Variants in ZNF846 observed in about 807,000 individuals in gnomAD.
ZNF846 encodes the protein zinc finger protein 846, also known as zinc finger protein 420 pseudogene.
In ZNF846, 15 loss-of-function variants were observed where a neutral mutation model predicts 16.0. The ratio of observed to expected loss-of-function variants is 0.94; its 90% CI spans 0.63 to 1.45. ZNF846 has a LOEUF of 1.45. ZNF846 is among the 40% of genes most tolerant of loss of function. The probability of loss-of-function intolerance (pLI) is 0.00; values close to 1 mark genes in which losing one functional copy is unlikely to be tolerated. For missense variants in ZNF846, 714 were observed against 622.3 expected (o/e 1.15, Z -1.57); for synonymous variants, 229 against 212.0 (o/e 1.08, Z -0.70).
chr19:9,762,203 G>A (rs2045242082), intron 3 of ZNF846, 35 bp from the exon 4 acceptor site: 1 of 1,539,596 alleles, frequency 6.5e-7, no homozygotes, highest in Non-Finnish European at 9.0e-7. Flanking sequence ...AGAGGCCCAT[G>A]CAAGACATAA....
rs114854244 is a variant in ZNF846 at position 9,783,722 on chromosome 19, C to T, written c.-86+2216G>A. ...TTTTTTAATTTCAGACAGGGTCTTA[C>T]TCTGTCGCCTGGATGGAGTACAGTG... On this transcript the variant is annotated intron_variant, in intron 1 of 4. Coordinates refer to the ZNF846 transcript ENST00000586814. Among the ~76,000 whole-genome samples, 1,078 of 150,322 alleles carry T rather than the reference C, an allele frequency of 7.2e-3. 16 individuals are homozygous for T. The highest frequency in any genetic ancestry group is 0.024 in the African/African-American group (1,001 of 40,894).
At chr19:9,758,320 G>T (rs2045166711) in exon 6 of ZNF846, 2 of 1,613,340 alleles carry the variant, frequency 1.2e-6, no homozygotes. Flanking sequence ...CAGACATAGG[G>T]CTTCTCTCCA....
At chr19:9,767,386 C>G (rs1311369462) in intron 1 of ZNF846, among the ~76,000 whole-genome samples, 1 of 152,024 alleles carries the variant, frequency 6.6e-6, no homozygotes, top group African/African-American at 2.4e-5. Context: ...CCGCCCACCT[C>G]GGCCTCCCAA....
At chr19:9,779,571 ATT>A (rs781610244) in intron 1 of ZNF846, among the ~76,000 whole-genome samples, 38 of 101,218 alleles carry the variant, frequency 3.8e-4, no homozygotes, top group African/African-American at 8.6e-4. Context: ...CCCCACCAGA[ATT>A]TTTTTTTTTT....
At chr19:9,757,556 T>A in exon 6 of ZNF846, 1 of 1,613,084 alleles carries the variant, frequency 6.2e-7, no homozygotes, top group Non-Finnish European at 8.5e-7. Flanking sequence ...ATTTCTTACA[T>A]TCATATGGTT....
downstream of ZNF846, among the ~76,000 whole-genome samples, chr19:9,754,688 C>G (rs188522962): frequency 1.3e-5 from 2 of 150,696 alleles, no homozygotes; most frequent in Admixed American, 1.3e-4. Context: ...ATATAATTAC[C>G]AATAAAAAAG....
At chr19:9,779,942 T>C (rs2045484421) in intron 1 of ZNF846, among the ~76,000 whole-genome samples, 1 of 151,448 alleles carries the variant, frequency 6.6e-6, no homozygotes, top group African/African-American at 2.4e-5. Context: ...AGTACAGTGA[T>C]CTTCACTCAC....
chr19:9,758,104 G>A (rs568058958), exon 6 of ZNF846: 1 of 1,613,656 alleles, frequency 6.2e-7, no homozygotes, highest in East Asian at 2.2e-5. Flanking sequence ...TGTAAAATAA[G>A]TCCTGTGGAT....
chr19:9,782,708 T>C (rs1486481571), intron 1 of ZNF846, among the ~76,000 whole-genome samples: 3 of 152,232 alleles, frequency 2.0e-5, no homozygotes, highest in Non-Finnish European at 4.4e-5. Context: ...GAAACTTTGA[T>C]ATGTGTCTGT....
intron 1 of ZNF846, chr19:9,775,082 A>C (rs906824417): frequency 1.2e-6 from 1 of 833,792 alleles, no homozygotes; most frequent in African/African-American, 1.7e-5. Flanking sequence ...CACTTGTGGC[A>C]GTTACTAACT....
At chr19:9,749,346 C>T (rs1218131351), downstream of ZNF846, among the ~76,000 whole-genome samples, 3 of 152,086 alleles carry the variant, frequency 2.0e-5, no homozygotes, top group Admixed American at 2.0e-4. Context: ...TAGTCATACA[C>T]CTATTCATCA....
chr19:9,779,866 C>A (rs889869785), intron 1 of ZNF846, among the ~76,000 whole-genome samples: 5 of 151,402 alleles, frequency 3.3e-5, no homozygotes, highest in African/African-American at 1.2e-4. Context: ...AGTCACCACG[C>A]CCGGCCATCA....
chr19:9,762,487 A>C (rs1264016220), intron 3 of ZNF846: 1 of 223,404 alleles, frequency 4.5e-6, no homozygotes, highest in Non-Finnish European at 8.9e-6. Flanking sequence ...AAAATACAAA[A>C]ATTAGCAGGG....
intron 1 of ZNF846, among the ~76,000 whole-genome samples, chr19:9,766,412 C>CA (rs58139573): frequency 0.026 from 1,904 of 72,276 alleles, 44 homozygotes; most frequent in African/African-American, 0.055. Context: ...GACTCTGTCA[C>CA]AAAAAAAAAA....
chr19:9,783,549 A>ATG (rs1395252533), intron 1 of ZNF846, among the ~76,000 whole-genome samples: 42 of 140,324 alleles, frequency 3.0e-4, no homozygotes, highest in African/African-American at 1.1e-3. Context: ...AAAAAAATAT[A>ATG]TATATATATA....
intron 1 of ZNF846, among the ~76,000 whole-genome samples, chr19:9,765,331 T>C (rs1462569202): frequency 6.6e-6 from 1 of 151,332 alleles, no homozygotes; most frequent in African/African-American, 2.4e-5. Flanking sequence ...GCCGACACCA[T>C]GCCACTGCAC....
rs184484484 is a variant in ZNF846, at chr19:9,776,616, T to C, written c.-86+9322A>G. On this transcript the variant is annotated intron_variant, in intron 1 of 4. Transcript: ENST00000586814. ...AGTAAATAACAGCGCAGCCAGACAT[T>C]TGGGGCCACTACCGGTCTCCGTGCA... 3.3e-5 allele frequency among the ~76,000 whole-genome samples: 5 copies of C among 152,298 alleles called. No homozygotes were observed. In the East Asian group the frequency reaches 5.8e-4, roughly 18 times the overall value.
At chr19:9,785,062 T>G (rs568804582) in intron 1 of ZNF846, among the ~76,000 whole-genome samples, 8 of 152,054 alleles carry the variant, frequency 5.3e-5, no homozygotes, top group Non-Finnish European at 1.2e-4. Context: ...CTCTTTCTTT[T>G]CCCCCGCACA....
intron 1 of ZNF846, chr19:9,774,475 A>G: frequency 1.1e-6 from 1 of 946,420 alleles, no homozygotes; most frequent in Non-Finnish European, 1.7e-6. Context: ...CTCAAAAAAA[A>G]AAAAAAAATA....
Sources: allele counts gnomAD v4.1 joint callset (sites outside exome capture counted in the v4.1 genomes callset), GRCh38; gene constraint gnomAD v4.1.1; transcripts MANE v1.5; gene names NCBI Gene and HGNC (gene_info 2026-07-23, HGNC 2026-07-21).